The following CCDC126 variants were observed in gnomAD, a reference collection of about 807,000 sequenced individuals.
CCDC126 encodes the protein coiled-coil domain containing 126.
In CCDC126, 5 loss-of-function variants were observed where a neutral mutation model predicts 11.7. That is an observed-to-expected ratio of 0.43 (90% CI 0.22 to 0.90). The LOEUF (loss-of-function observed/expected upper bound fraction) is 0.90. CCDC126 is among the 40% of genes least tolerant of loss of function. The probability of loss-of-function intolerance (pLI) is 0.27; values close to 1 mark genes in which losing one functional copy is unlikely to be tolerated. For missense variants in CCDC126, 150 were observed against 163.1 expected, an observed-to-expected ratio of 0.92 and a Z score of 0.44; for synonymous variants, 60 against 61.9, an observed-to-expected ratio of 0.97 and a Z score of 0.14.
intron 3 of CCDC126, among the ~76,000 whole-genome samples, chr7:23,621,778 T>G (rs1023726618): frequency 2.6e-5 from 4 of 152,096 alleles, no homozygotes; most frequent in African/African-American, 9.7e-5. Context: ...TTATTGAGAG[T>G]TTTTAGCATG....
At chr7:23,601,856 A>AT (rs1035233810) in intron 2 of CCDC126, 41 of 147,944 alleles carry the variant, frequency 2.8e-4, no homozygotes, top group Admixed American at 8.1e-4. Flanking sequence ...GCTAATTTTT[A>AT]TTTTTTTTTT....
intron 3 of CCDC126, among the ~76,000 whole-genome samples, chr7:23,635,976 C>G (rs1170106876): frequency 1.3e-5 from 2 of 152,174 alleles, no homozygotes; most frequent in African/African-American, 4.8e-5. Context: ...TCACTGCAAC[C>G]TCCCTGCCTG....
At chr7:23,609,078 T>G (rs996407358) in intron 2 of CCDC126, among the ~76,000 whole-genome samples, 1 of 152,156 alleles carries the variant, frequency 6.6e-6, no homozygotes, top group African/African-American at 2.4e-5. Flanking sequence ...GCAGAATATC[T>G]CAAGCATTGA....
At chr7:23,638,243 T>C (rs1388111003) in intron 3 of CCDC126, among the ~76,000 whole-genome samples, 1 of 151,886 alleles carries the variant, frequency 6.6e-6, no homozygotes, top group Non-Finnish European at 1.5e-5. Context: ...GGATGGGCCA[T>C]GATGACAATG....
At chr7:23,638,730 A>T (rs1465443422) in intron 3 of CCDC126, among the ~76,000 whole-genome samples, 22 of 118,288 alleles carry the variant, frequency 1.9e-4, no homozygotes, top group African/African-American at 9.7e-4. Context: ...AAAAAATTAA[A>T]AAAAAAAAAA....
intron 3 of CCDC126, among the ~76,000 whole-genome samples, chr7:23,616,913 T>C (rs1782803493): frequency 6.6e-6 from 1 of 152,262 alleles, no homozygotes; most frequent in Non-Finnish European, 1.5e-5. Context: ...GCATTTGGGC[T>C]CTCTGGACTG....
Position 23,644,544 on chromosome 7 carries a change from C to T in CCDC126, c.*1429C>T, listed in dbSNP as rs1193085515. The T allele has an allele frequency of 6.6e-6, 1 of 152,410 alleles. No individual in the cohort carries two copies. Among genetic ancestry groups the T allele is most frequent in the Non-Finnish European group, 1.5e-5 (1 of 67,920 alleles). 9.4% of individuals were successfully genotyped at this position (152,410 alleles called of 1,614,324 possible). ...TTTCATGAAAGACAGATTTCCAAATCTCTCTTCTCTTCTCTGTACTGTCTA... is the reference window on the plus strand; with the variant it reads ...TTTCATGAAAGACAGATTTCCAAATTTCTCTTCTCTTCTCTGTACTGTCTA... On this transcript the variant is annotated 3_prime_UTR_variant, in exon 4 of 4. Transcript: ENST00000307471.
At chr7:23,622,126 C>T (rs1782915313) in intron 3 of CCDC126, among the ~76,000 whole-genome samples, 1 of 152,052 alleles carries the variant, frequency 6.6e-6, no homozygotes, top group Admixed American at 6.6e-5. Context: ...CCCCCTTTTT[C>T]AGTTGATTGG....
chr7:23,622,372 G>A (rs1483394483), intron 3 of CCDC126: 2 of 314,234 alleles, frequency 6.4e-6, no homozygotes, highest in Non-Finnish European at 1.2e-5. Flanking sequence ...TTGTGTAGAG[G>A]TGTTTATAGT....
In CCDC126 at chr7:23,622,477, C is replaced by A. The variant is rs1184994082; in HGVS notation, c.238+10924C>A. 4 of 432,294 alleles carry A rather than the reference C, an allele frequency of 9.3e-6. No individual in the cohort carries two copies. The Admixed American group carries it at 1.1e-4, about 12-fold the overall frequency. 26.8% of individuals were successfully genotyped at this position (432,294 alleles called of 1,614,324 possible). A position where few individuals can be genotyped will look rare whatever the true frequency, so the allele number is the denominator to read the frequency against. On this transcript the variant is annotated intron_variant, in intron 3 of 3. Coordinates refer to ENST00000307471, the MANE Select transcript of CCDC126 (RefSeq NM_138771.4). ...CTATTTGACTCTTCTCTGATACCAA[C>A]TTTATCAACTTTTCCTTAAAAGCGA...
chr7:23,605,888 T>A (rs1481828728), intron 2 of CCDC126, among the ~76,000 whole-genome samples: 1 of 152,164 alleles, frequency 6.6e-6, no homozygotes, highest in Non-Finnish European at 1.5e-5. Flanking sequence ...GGAAATGCCA[T>A]ACTGTCTTCC....
chr7:23,605,455 C>G (rs1782608637), intron 2 of CCDC126, among the ~76,000 whole-genome samples: 1 of 149,014 alleles, frequency 6.7e-6, no homozygotes, highest in Admixed American at 6.7e-5. Context: ...TAAAAAAATA[C>G]ATAATCTAAA....
intron 2 of CCDC126, among the ~76,000 whole-genome samples, chr7:23,600,489 T>A (rs923534845): frequency 3.3e-5 from 5 of 151,940 alleles, no homozygotes; most frequent in African/African-American, 4.8e-5. Flanking sequence ...TGGAGGACTT[T>A]TTTTTGGGTC....
At chr7:23,618,020 G>GA (rs1782824304) in intron 3 of CCDC126, among the ~76,000 whole-genome samples, 1 of 152,116 alleles carries the variant, frequency 6.6e-6, no homozygotes, top group African/African-American at 2.4e-5. Context: ...ATAGATGCTA[G>GA]AGCCAGCCAA....
chr7:23,631,864 AAAG>A (rs1377628088), intron 3 of CCDC126, among the ~76,000 whole-genome samples: 7 of 152,092 alleles, frequency 4.6e-5, no homozygotes, highest in African/African-American at 1.4e-4. Context: ...TCTGCAGTTT[AAAG>A]AAGAATTAGC....
chr7:23,643,032 G>C lies in CCDC126; in HGVS notation c.340G>C (p.Ala114Pro), dbSNP rs1279638791. ...CTATATTGTTGTGAATGGCTCAGCA[G>C]CCAACACCACCAATGGTACTAGTGG... is the stretch of plus-strand genomic sequence containing the variant. Reference protein sequence around the residue: ...VDYIVVNGSAANTTNGTSGNL... With the variant: ...VDYIVVNGSAPNTTNGTSGNL... Residue 114 changes from alanine (A) to proline (P), a missense_variant, in exon 4 of 4, where the codon GCC becomes CCC. Physicochemically the swap from Ala to Pro is conservative, Grantham distance 27 (BLOSUM62 -1). Coordinates refer to ENST00000307471, the MANE Select transcript of CCDC126 (RefSeq NM_138771.4). 6.2e-7 allele frequency: 1 copy of C among 1,614,068 alleles called. No homozygotes were observed. Among genetic ancestry groups the C allele is most frequent in the Non-Finnish European group, 8.5e-7 (1 of 1,180,006 alleles).
At chr7:23,626,257 A>G (rs1442234118) in intron 3 of CCDC126, among the ~76,000 whole-genome samples, 2 of 152,048 alleles carry the variant, frequency 1.3e-5, no homozygotes, top group Admixed American at 1.3e-4. Context: ...TTCTAGTTTC[A>G]TTATTTGAAT....
intron 3 of CCDC126, among the ~76,000 whole-genome samples, chr7:23,633,113 C>T (rs937707512): frequency 3.3e-5 from 5 of 152,162 alleles, no homozygotes; most frequent in African/African-American, 4.8e-5. Flanking sequence ...CTGACTCAGC[C>T]TCCTGAGTAG....
chr7:23,601,959 T>C (rs924507952), intron 2 of CCDC126: 2 of 152,228 alleles, frequency 1.3e-5, no homozygotes, highest in African/African-American at 4.8e-5. Context: ...GTGCTGGGAT[T>C]ACAAGTGTGA....
Sources: gnomAD v4.1 joint callset for allele counts (sites outside exome capture counted in the v4.1 genomes callset) on GRCh38, gnomAD v4.1.1 for gene constraint, MANE v1.5 for transcripts, NCBI Gene and HGNC (gene_info 2026-07-23, HGNC 2026-07-21) for gene names.